DHRSX: variants seen among roughly 807,000 people sequenced by gnomAD.
DHRSX encodes dehydrogenase/reductase X-linked, also known as polyprenol dehydrogenase.
In DHRSX, 31 loss-of-function variants were observed where a neutral mutation model predicts 34.0. The observed-to-expected ratio is 0.91, with a 90% CI of 0.69 to 1.23. The LOEUF is 1.23. Among genes scored for constraint, DHRSX ranks in the 50% most tolerant of loss-of-function variants. DHRSX has a pLI of 0.00. For missense variants in DHRSX, 414 were observed against 428.1 expected (o/e 0.97, Z 0.29); for synonymous variants, 201 against 183.8 (o/e 1.09, Z -0.76).
chrX:2,389,586 A>T (rs2043311931), intron 3 of DHRSX, among the ~76,000 whole-genome samples: 1 of 152,084 alleles, frequency 6.6e-6, no homozygotes, highest in Non-Finnish European at 1.5e-5. Flanking sequence ...GGGTACTTTT[A>T]TCCACTCATG....
chrX:2,276,759 G>A (rs776442125), intron 4 of DHRSX, among the ~76,000 whole-genome samples: 34 of 151,234 alleles, frequency 2.2e-4, no homozygotes, highest in African/African-American at 7.5e-4. Flanking sequence ...AGAGAGAGAG[G>A]GAGGGCAAAG....
chrX:2,347,413 G>T, intron 3 of DHRSX, among the ~76,000 whole-genome samples: 1 of 152,238 alleles, frequency 6.6e-6, no homozygotes, highest in Non-Finnish European at 1.5e-5. Flanking sequence ...GAGATTTGGG[G>T]CCGGGCGCGG....
intron 3 of DHRSX, among the ~76,000 whole-genome samples, chrX:2,316,205 G>A (rs1418600161): frequency 6.6e-6 from 1 of 151,894 alleles, no homozygotes; most frequent in Non-Finnish European, 1.5e-5. Context: ...GTGGCTCTCT[G>A]CTTGCTGTGA....
intron 2 of DHRSX, among the ~76,000 whole-genome samples, chrX:2,411,739 A>T (rs2043632287): frequency 1.0e-5 from 1 of 97,710 alleles, no homozygotes; most frequent in Non-Finnish European, 2.0e-5. Flanking sequence ...AAAGAAAACA[A>T]AACAAAACAA....
chrX:2,250,907 T>G (rs1388909841), intron 5 of DHRSX, among the ~76,000 whole-genome samples: 1 of 146,144 alleles, frequency 6.8e-6, no homozygotes, highest in Non-Finnish European at 1.5e-5. Flanking sequence ...AACTGAGCAA[T>G]TTTCCCACCT....
At chrX:2,424,157 G>A (rs2043814418) in intron 2 of DHRSX, among the ~76,000 whole-genome samples, 1 of 152,132 alleles carries the variant, frequency 6.6e-6, no homozygotes, top group Non-Finnish European at 1.5e-5. Context: ...ACACACAGAG[G>A]GATGACCCTG....
intron 3 of DHRSX, among the ~76,000 whole-genome samples, chrX:2,304,402 T>G (rs1303983541): frequency 2.0e-5 from 3 of 152,008 alleles, no homozygotes; most frequent in Admixed American, 6.6e-5. Context: ...GTGATATGGT[T>G]TGGATCTGTG....
chrX:2,273,845 AGTGCT>A (rs2041589099), intron 4 of DHRSX, among the ~76,000 whole-genome samples: 1 of 152,190 alleles, frequency 6.6e-6, no homozygotes, highest in South Asian at 2.1e-4. Context: ...CAGAGGGGAC[AGTGCT>A]TCTGTGCAGG....
At chrX:2,402,883 CTTTTT>C (rs758977585) in intron 3 of DHRSX, among the ~76,000 whole-genome samples, 1 of 117,744 alleles carries the variant, frequency 8.5e-6, no homozygotes, top group African/African-American at 3.3e-5. Flanking sequence ...TAATTGGTTT[CTTTTT>C]TTTTTTTTTT....
chrX:2,374,940 T>G (rs2043123858), intron 3 of DHRSX, among the ~76,000 whole-genome samples: 1 of 135,944 alleles, frequency 7.4e-6, no homozygotes, highest in Non-Finnish European at 1.7e-5. Context: ...GTTGGTGGCA[T>G]GTATGTGTAG....
chrX:2,229,895 G>C (rs2015830626), intron 6 of DHRSX, among the ~76,000 whole-genome samples: 3 of 152,162 alleles, frequency 2.0e-5, no homozygotes, highest in Admixed American at 2.0e-4. Context: ...ATATGGATAT[G>C]TGTGAGTACA....
At chrX:2,325,199 G>T (rs1265119876) in intron 3 of DHRSX, among the ~76,000 whole-genome samples, 2 of 152,044 alleles carry the variant, frequency 1.3e-5, no homozygotes, top group Non-Finnish European at 2.9e-5. Flanking sequence ...AGGACCTAGG[G>T]ACTAGACACG....
chrX:2,393,229 C>A (rs190523824), intron 3 of DHRSX, among the ~76,000 whole-genome samples: 1 of 150,582 alleles, frequency 6.6e-6, no homozygotes, highest in Non-Finnish European at 1.5e-5. Context: ...AATATATGAA[C>A]CTAAAATATG....
chrX:2,402,706 T>TA (rs34360426), intron 3 of DHRSX, among the ~76,000 whole-genome samples: 26 of 149,572 alleles, frequency 1.7e-4, no homozygotes, highest in Non-Finnish European at 2.2e-4. Flanking sequence ...TTTTTTCTTT[T>TA]AAAAAAAAAA....
intron 1 of DHRSX, among the ~76,000 whole-genome samples, chrX:2,429,983 T>A (rs2043896979): frequency 6.6e-6 from 1 of 151,778 alleles, no homozygotes; most frequent in Non-Finnish European, 1.5e-5. Context: ...AATTGGCAGG[T>A]TAAAAAGGTA....
At chrX:2,381,491 G>A (rs187213206) in intron 3 of DHRSX, among the ~76,000 whole-genome samples, 84 of 151,992 alleles carry the variant, frequency 5.5e-4, no homozygotes, top group Non-Finnish European at 7.8e-4. Flanking sequence ...GCATGGTGGC[G>A]CATGCCTGTA....
intron 3 of DHRSX, among the ~76,000 whole-genome samples, chrX:2,298,983 C>T (rs2041978551): frequency 2.5e-5 from 1 of 40,736 alleles, no homozygotes; most frequent in African/African-American, 9.4e-5. Context: ...GAAACTCTGT[C>T]TCAAAAAAAA....
intron 6 of DHRSX, among the ~76,000 whole-genome samples, chrX:2,231,211 T>TAGAG (rs1209877766): frequency 1.1e-4 from 17 of 152,164 alleles, no homozygotes; most frequent in African/African-American, 3.6e-4. Context: ...GGGAGTCTGT[T>TAGAG]AGAGCCACCA....
intron 3 of DHRSX, among the ~76,000 whole-genome samples, chrX:2,346,885 T>G (rs1347433761): frequency 6.6e-6 from 1 of 151,644 alleles, no homozygotes; most frequent in African/African-American, 2.4e-5. Context: ...CACTTATGAG[T>G]GAGAACATGA....
Sources: gnomAD v4.1 joint callset for allele counts (sites outside exome capture counted in the v4.1 genomes callset) on GRCh38, gnomAD v4.1.1 for gene constraint, MANE v1.5 for transcripts, NCBI Gene and HGNC (gene_info 2026-07-23, HGNC 2026-07-21) for gene names.